MAP2K1: variants seen among roughly 807,000 people sequenced by gnomAD.
The protein encoded by MAP2K1 is dual specificity mitogen-activated protein kinase kinase 1.
A neutral mutation model predicts 46.3 loss-of-function variants in MAP2K1; 16 were observed. The observed-to-expected ratio is 0.35, with a 90% CI of 0.23 to 0.52. The LOEUF (loss-of-function observed/expected upper bound fraction) is 0.52. Ranked by LOEUF, MAP2K1 falls within the 20% of genes least tolerant of loss-of-function variation. The pLI is 0.94. For synonymous variants in MAP2K1, 183 were observed against 185.6 expected, an observed-to-expected ratio of 0.99 and a Z score of 0.11; for missense variants, 263 against 497.1, an observed-to-expected ratio of 0.53 and a Z score of 4.48.
rs765878864 is a variant in MAP2K1, at chr15:66,485,210, C to A, written c.895+19C>A. On this transcript the variant is annotated intron_variant, in intron 7 of 10. Coordinates refer to ENST00000307102, the MANE Select transcript of MAP2K1 (RefSeq NM_002755.4). ...CTTAGCTGTGAGTAGCCTGGTGTGT[C>A]CCCATCTTGGACTGTTGGAGGGGAG... 2.6e-5 allele frequency: 42 copies of A among 1,609,948 alleles called. No homozygotes were observed. Among genetic ancestry groups the A allele is most frequent in the Non-Finnish European group, 3.4e-5 (40 of 1,177,418 alleles).
chr15:66,443,509 T>A, intron 4 of MAP2K1, 152 bp downstream of exon 4: 1 of 666,770 alleles, frequency 1.5e-6, no homozygotes, highest in Non-Finnish European at 2.7e-6. Flanking sequence ...CTGTCTGGAG[T>A]CTATATACAC....
intron 5 of MAP2K1, among the ~76,000 whole-genome samples, chr15:66,478,166 C>T (rs1017034909): frequency 6.6e-6 from 1 of 151,466 alleles, no homozygotes; most frequent in African/African-American, 2.4e-5. Flanking sequence ...AATGTCCTCT[C>T]CTCACAGGGC....
Position 66,387,202 on chromosome 15 carries a change from A to G in MAP2K1, c.-146A>G. ...CTACCGGCCCCTCGGCGCTGACGGG[A>G]CCGCGCGGGGCGCACCCGCTGAAGG... is the stretch of plus-strand genomic sequence containing the variant. On this transcript the variant is annotated 5_prime_UTR_variant, in exon 1 of 11. Coordinates refer to ENST00000307102, the MANE Select transcript of MAP2K1 (RefSeq NM_002755.4). The G allele has an allele frequency of 1.7e-6, 1 of 584,998 alleles. No individual in the cohort carries two copies. The highest frequency in any genetic ancestry group is 2.9e-6 in the Non-Finnish European group (1 of 343,868). 36.2% of individuals were successfully genotyped at this position (584,998 alleles called of 1,614,324 possible). A position where few individuals can be genotyped will look rare whatever the true frequency, so the allele number is the denominator to read the frequency against.
chr15:66,452,944 C>T (rs1396942976), intron 5 of MAP2K1, among the ~76,000 whole-genome samples: 5 of 152,146 alleles, frequency 3.3e-5, no homozygotes, highest in Non-Finnish European at 7.3e-5. Flanking sequence ...TATATATCTT[C>T]AGTCCTGAAG....
At chr15:66,454,863 A>G (rs1384643195) in intron 5 of MAP2K1, among the ~76,000 whole-genome samples, 2 of 151,918 alleles carry the variant, frequency 1.3e-5, no homozygotes. Context: ...AGCCTAGGTG[A>G]CAGAGTGAGA....
chr15:66,447,264 C>G, intron 5 of MAP2K1, among the ~76,000 whole-genome samples: 1 of 150,626 alleles, frequency 6.6e-6, no homozygotes, highest in Admixed American at 6.6e-5. Flanking sequence ...TTTTGTTAGT[C>G]TAACTTCTTC....
chr15:66,455,298 T>C (rs1427155767), intron 5 of MAP2K1, among the ~76,000 whole-genome samples: 1 of 152,254 alleles, frequency 6.6e-6, no homozygotes, highest in African/African-American at 2.4e-5. Flanking sequence ...AAAAATAGTT[T>C]ATAACACAAG....
intron 5 of MAP2K1, among the ~76,000 whole-genome samples, chr15:66,457,454 T>G (rs983561268): frequency 6.6e-6 from 1 of 152,198 alleles, no homozygotes; most frequent in African/African-American, 2.4e-5. Flanking sequence ...AAATAAAGTT[T>G]TATTGGATCA....
At chr15:66,422,254 A>G (rs1189390398) in intron 1 of MAP2K1, among the ~76,000 whole-genome samples, 4 of 152,172 alleles carry the variant, frequency 2.6e-5, no homozygotes, top group East Asian at 3.9e-4. Flanking sequence ...AGGTAATACA[A>G]TATAATTCAT....
chr15:66,487,678 G>A (rs1238927374), intron 8 of MAP2K1, among the ~76,000 whole-genome samples: 2 of 152,194 alleles, frequency 1.3e-5, no homozygotes, highest in Non-Finnish European at 2.9e-5. Flanking sequence ...TTTACTGTAT[G>A]CACAGCTTTA....
At chr15:66,421,740 A>G (rs1370360112) in intron 1 of MAP2K1, among the ~76,000 whole-genome samples, 1 of 151,272 alleles carries the variant, frequency 6.6e-6, no homozygotes, top group Non-Finnish European at 1.5e-5. Flanking sequence ...TGGAGGTTGC[A>G]GTGAGCTGAG....
chr15:66,490,713 T>C lies in MAP2K1; in HGVS notation c.*98T>C, dbSNP rs1367022676. On this transcript the variant is annotated 3_prime_UTR_variant, in exon 11 of 11. Transcript: ENST00000307102. ...TGCCTGTCTCTGTTCAGATGTGCATTTCACCTGTGACAAAGGATGAAGAAC... is the reference window on the plus strand; with the variant it reads ...TGCCTGTCTCTGTTCAGATGTGCATCTCACCTGTGACAAAGGATGAAGAAC... 3 of 845,016 alleles carry C rather than the reference T, an allele frequency of 3.6e-6. No individual in the cohort carries two copies. The highest frequency in any genetic ancestry group is 6.2e-6 in the Non-Finnish European group (3 of 487,118). The allele number at this position is 845,016 out of a possible 1,614,324, so 52.3% of individuals were successfully genotyped here. A position where few individuals can be genotyped will look rare whatever the true frequency, so the allele number is the denominator to read the frequency against.
chr15:66,461,672 C>T (rs1892325507), intron 5 of MAP2K1, among the ~76,000 whole-genome samples: 1 of 152,012 alleles, frequency 6.6e-6, no homozygotes, highest in African/African-American at 2.4e-5. Flanking sequence ...TAAGTGCTTA[C>T]CACCCTGTGA....
chr15:66,478,704 T>G (rs1331328125), intron 5 of MAP2K1, among the ~76,000 whole-genome samples: 2 of 152,062 alleles, frequency 1.3e-5, no homozygotes, highest in Non-Finnish European at 2.9e-5. Flanking sequence ...TTCACCATGC[T>G]GACCTCAAAT....
At chr15:66,427,431 C>T (rs1263431939) in intron 1 of MAP2K1, among the ~76,000 whole-genome samples, 1 of 151,698 alleles carries the variant, frequency 6.6e-6, no homozygotes, top group Non-Finnish European at 1.5e-5. Flanking sequence ...TGGTGGCGGG[C>T]GCCTGTAGTC....
intron 1 of MAP2K1, among the ~76,000 whole-genome samples, chr15:66,396,036 C>A (rs2093366726): frequency 6.6e-6 from 1 of 151,994 alleles, no homozygotes; most frequent in African/African-American, 2.4e-5. Flanking sequence ...GGAGATGAGT[C>A]TCACTCTGTC....
intron 1 of MAP2K1, among the ~76,000 whole-genome samples, chr15:66,395,345 A>G (rs1032315202): frequency 3.3e-5 from 5 of 152,302 alleles, no homozygotes; most frequent in Non-Finnish European, 5.9e-5. Context: ...GGAATTGTCA[A>G]AGCAAAACTA....
chr15:66,428,266 TTGTGCGTG>T (rs1209255532), intron 1 of MAP2K1, among the ~76,000 whole-genome samples: 3 of 124,878 alleles, frequency 2.4e-5, no homozygotes, highest in Non-Finnish European at 3.4e-5. Flanking sequence ...CCAACAGCAG[TTGTGCGTG>T]TGTGTGTGTG....
chr15:66,482,479 G>T lies in MAP2K1; in HGVS notation c.693+600G>T, dbSNP rs575593675. 3.3e-5 allele frequency among the ~76,000 whole-genome samples: 5 copies of T among 152,318 alleles called. No individual in the cohort carries two copies. In the East Asian group the frequency reaches 9.6e-4, roughly 29 times the overall value. ...CAGCATACCTGGACCCCTCGCCAGA[G>T]TCTCTGCTCCACTTCAGCCAACACC... On this transcript the variant is annotated intron_variant, in intron 6 of 10. Transcript: ENST00000307102.
Sources: allele counts gnomAD v4.1 joint callset (sites outside exome capture counted in the v4.1 genomes callset), GRCh38; gene constraint gnomAD v4.1.1; transcripts MANE v1.5; gene names NCBI Gene and HGNC (gene_info 2026-07-23, HGNC 2026-07-21).